Variants in FIG4 observed in about 807,000 individuals in gnomAD.
FIG4 encodes FIG4 phosphoinositide 5-phosphatase.
A neutral mutation model predicts 118.6 loss-of-function variants in FIG4; 112 were observed. The ratio of observed to expected loss-of-function variants is 0.94; its 90% CI spans 0.81 to 1.11. The LOEUF is 1.11. Among genes scored for constraint, FIG4 ranks in the 50% least tolerant of loss-of-function variants. The pLI, the probability that FIG4 is intolerant of heterozygous loss-of-function variation, is 0.00. For synonymous variants in FIG4, 369 were observed against 381.2 expected, an observed-to-expected ratio of 0.97 and a Z score of 0.37; for missense variants, 969 against 1,111.7, an observed-to-expected ratio of 0.87 and a Z score of 1.83.
chr6:109,768,428 C>T (rs1777347541), intron 15 of FIG4, among the ~76,000 whole-genome samples: 1 of 152,210 alleles, frequency 6.6e-6, no homozygotes. Context: ...TCCTGTCCAA[C>T]TGTATTAGTT....
chr6:109,755,663 G>C (rs1313970259), intron 10 of FIG4, among the ~76,000 whole-genome samples: 1 of 152,180 alleles, frequency 6.6e-6, no homozygotes, highest in East Asian at 1.9e-4. Flanking sequence ...AGCTCTTCTT[G>C]TTGAATTGAT....
chr6:109,749,425 T>G (rs115892910), intron 10 of FIG4, among the ~76,000 whole-genome samples: 2,176 of 151,936 alleles, frequency 0.014, 54 homozygotes, highest in African/African-American at 0.05. Context: ...TATGAAAACT[T>G]TAGTGAAAAT....
intron 16 of FIG4, among the ~76,000 whole-genome samples, chr6:109,778,789 C>T (rs903183326): frequency 7.9e-5 from 12 of 152,046 alleles, no homozygotes; most frequent in East Asian, 5.9e-4. Flanking sequence ...TTAGTAGAGA[C>T]GGGGTTTCAC....
At chr6:109,732,021 G>C in intron 4 of FIG4, among the ~76,000 whole-genome samples, 1 of 152,190 alleles carries the variant, frequency 6.6e-6, no homozygotes, top group Admixed American at 6.6e-5. Flanking sequence ...GTAAAGAGAT[G>C]CATGGACTGG....
At chr6:109,711,021 A>T (rs748030366) in intron 1 of FIG4, among the ~76,000 whole-genome samples, 29 of 151,784 alleles carry the variant, frequency 1.9e-4, no homozygotes, top group Non-Finnish European at 3.8e-4. Flanking sequence ...TGTCTTGATG[A>T]TCTGTCTACT....
At chr6:109,789,749 C>T in intron 19 of FIG4, 72 bp downstream of exon 19, 2 of 1,031,806 alleles carry the variant, frequency 1.9e-6, no homozygotes, top group Non-Finnish European at 3.1e-6. Flanking sequence ...TGATTTCCAC[C>T]AAAAACTAAT....
Position 109,766,855 on chromosome 6 carries a change from C to T in FIG4, c.1710C>T (p.Ile570=), listed in dbSNP as rs780487538. Residue 570 remains isoleucine, a synonymous_variant, in exon 15 of 23, where the codon ATC becomes ATT. Transcript: ENST00000230124. ...CATGGACCCAGCACTCCAAAGACAT[C>T]ATGCAAACCCTGTCTAGATATTACA... ...IAPWTQHSKD[I]MQTLSRYYSN... is the part of the protein sequence containing the mutation. 2.5e-6 allele frequency: 4 copies of T among 1,614,102 alleles called. No individual in the cohort carries two copies. Among genetic ancestry groups the T allele is most frequent in the Non-Finnish European group, 2.5e-6 (3 of 1,179,974 alleles).
chr6:109,798,473 G>A (rs1778345341), intron 22 of FIG4, among the ~76,000 whole-genome samples: 1 of 152,216 alleles, frequency 6.6e-6, no homozygotes, highest in Non-Finnish European at 1.5e-5. Flanking sequence ...CTTTAATGTA[G>A]CATCAAAGTG....
chr6:109,762,296 T>C, intron 12 of FIG4, 89 bp downstream of exon 12: 2 of 819,692 alleles, frequency 2.4e-6, no homozygotes, highest in Admixed American at 1.8e-5. Context: ...ACTTGGAAAT[T>C]GGATGAATTT....
chr6:109,786,562 G>A (rs553711042), intron 18 of FIG4, 113 bp downstream of exon 18: 1 of 1,188,738 alleles, frequency 8.4e-7, no homozygotes, highest in Admixed American at 1.7e-5. Context: ...CTGTCAGGTG[G>A]GTAGTCCACC....
chr6:109,729,983 A>C (rs1014834341), intron 4 of FIG4, among the ~76,000 whole-genome samples: 4 of 152,094 alleles, frequency 2.6e-5, no homozygotes, highest in African/African-American at 9.7e-5. Context: ...ATAATTGGAG[A>C]GATGTCCCTT....
rs758829235 is a variant in FIG4, at chr6:109,777,100, G to T, written c.1889+40G>T. 4 of 1,558,286 alleles carry T rather than the reference G, an allele frequency of 2.6e-6. No homozygotes were observed. The Admixed American group carries it at 6.7e-5, about 26-fold the overall frequency. ...AGTCTGTAATATAAACTCCCATTTG[G>T]TGTTATTTTGAATATGAGATACTTT... On this transcript the variant is annotated intron_variant, in intron 16 of 22. Coordinates refer to ENST00000230124, the MANE Select transcript of FIG4 (RefSeq NM_014845.6).
At position 109,822,781 on chromosome 6, in the gene FIG4, GTGTATGTATA is replaced by G. The variant is rs1208366359; in HGVS notation, c.2547-2305_2547-2296del. ...TTGAAGTGTATATATATGTGTGTGT[GTGTATGTATA>G]TATATATATATATATATATATATAT... On this transcript the variant is annotated intron_variant, in intron 22 of 22. Coordinates refer to ENST00000230124, the MANE Select transcript of FIG4 (RefSeq NM_014845.6). 1.7e-3 allele frequency among the ~76,000 whole-genome samples: 92 copies of G among 55,542 alleles called. 1 individual carries two copies. Among genetic ancestry groups the G allele is most frequent in the African/African-American group, 5.8e-3 (82 of 14,204 alleles). The allele number at this position is 55,542 out of a possible 152,430, so 36.4% of individuals were successfully genotyped here. A position where few individuals can be genotyped will look rare whatever the true frequency, so the allele number is the denominator to read the frequency against.
intron 1 of FIG4, among the ~76,000 whole-genome samples, chr6:109,699,479 A>T (rs1583623628): frequency 1.4e-5 from 2 of 142,290 alleles, no homozygotes; most frequent in Non-Finnish European, 1.5e-5. Flanking sequence ...TTTTCCTCAT[A>T]CGCGGTTTTT....
At chr6:109,771,779 C>T (rs986741067) in intron 15 of FIG4, among the ~76,000 whole-genome samples, 3 of 152,168 alleles carry the variant, frequency 2.0e-5, no homozygotes, top group Non-Finnish European at 4.4e-5. Flanking sequence ...TGGCCCTGCT[C>T]CATCTTAAGT....
chr6:109,735,192 T>A lies in FIG4; in HGVS notation c.540T>A (p.Thr180=), dbSNP rs558096381. The change falls in exon 6 of 23, where the codon ACT becomes ACA. Residue 180 remains threonine (T), a synonymous_variant. Transcript: ENST00000230124. ...CCCACTCACTTCAATATAATCTCAC[T>A]GTCTTGCGAATGCCCCTGGAGATGT... ...DLSHSLQYNL[T]VLRMPLEMLK... is the part of the protein sequence containing the mutation. 1.2e-6 allele frequency: 2 copies of A among 1,612,926 alleles called. No homozygotes were observed. The highest frequency in any genetic ancestry group is 1.7e-6 in the Non-Finnish European group (2 of 1,179,048).
intron 1 of FIG4, among the ~76,000 whole-genome samples, chr6:109,701,102 A>T (rs1774890537): frequency 6.6e-6 from 1 of 152,126 alleles, no homozygotes; most frequent in Non-Finnish European, 1.5e-5. Flanking sequence ...TCAGGTCGTT[A>T]TTGTTCTCTG....
intron 22 of FIG4, among the ~76,000 whole-genome samples, chr6:109,800,126 G>A (rs1334729700): frequency 6.6e-6 from 1 of 152,030 alleles, no homozygotes; most frequent in Admixed American, 6.6e-5. Flanking sequence ...GATACAGCTA[G>A]CAAGTAGAGG....
chr6:109,706,356 C>A (rs1257360448), intron 1 of FIG4, among the ~76,000 whole-genome samples: 2 of 152,178 alleles, frequency 1.3e-5, no homozygotes, highest in African/African-American at 2.4e-5. Context: ...AGAATCAGGA[C>A]AACACCAGCC....
Sources: gnomAD v4.1 joint callset for allele counts (sites outside exome capture counted in the v4.1 genomes callset) on GRCh38, gnomAD v4.1.1 for gene constraint, MANE v1.5 for transcripts, NCBI Gene and HGNC (gene_info 2026-07-23, HGNC 2026-07-21) for gene names.